The following POLN variants were observed in gnomAD, a reference collection of about 807,000 sequenced individuals.
The protein encoded by POLN is DNA polymerase nu.
In POLN, 108 loss-of-function variants were observed where a neutral mutation model predicts 113.5. That is an observed-to-expected ratio of 0.95 (90% CI 0.81 to 1.12). The LOEUF (loss-of-function observed/expected upper bound fraction) is 1.12, where lower values mean the gene tolerates loss of function less well. Ranked by LOEUF, POLN falls within the 50% of genes most tolerant of loss-of-function variation. POLN has a pLI of 0.00. For synonymous variants in POLN, 386 were observed against 391.5 expected (o/e 0.99, Z 0.17); for missense variants, 1,097 against 1,077.1 (o/e 1.02, Z -0.26).
chr4:2,143,512 G>A (rs898371274), intron 16 of POLN, among the ~76,000 whole-genome samples: 1 of 152,136 alleles, frequency 6.6e-6, no homozygotes, highest in Non-Finnish European at 1.5e-5. Flanking sequence ...GAGATAATGT[G>A]AGCAACTGTA....
intron 16 of POLN, among the ~76,000 whole-genome samples, chr4:2,142,476 T>G (rs1732026882): frequency 6.6e-6 from 1 of 152,192 alleles, no homozygotes; most frequent in Non-Finnish European, 1.5e-5. Context: ...ACGTTCCCTA[T>G]CCCTGTCCCA....
chr4:2,239,292 A>T (rs1201783147), intron 2 of POLN, among the ~76,000 whole-genome samples: 2 of 152,200 alleles, frequency 1.3e-5, no homozygotes, highest in East Asian at 3.8e-4. Context: ...TAGAGATCTT[A>T]TTATACTTCT....
chr4:2,081,713 C>G lies in POLN; in HGVS notation c.2228G>C (p.Arg743Thr). ...ATGAGCGTGAATCCTTGGCAGGGGT[C>G]TCCTTCTGCCCATGATGGACACCAC... The part of the protein sequence containing the change: ...GCVVSIMGRR[R>T]PLPRIHAHDQ... Residue 743 changes from arginine (R) to threonine (T), a missense_variant, in exon 22 of 26, where the codon AGA becomes ACA. By Grantham distance (71) the Arg-to-Thr change is moderately conservative. Coordinates refer to ENST00000511885, the MANE Select transcript of POLN (RefSeq NM_181808.4). The G allele has an allele frequency of 6.2e-7, 1 of 1,614,118 alleles. No homozygotes were observed. Among genetic ancestry groups the G allele is most frequent in the Non-Finnish European group, 8.5e-7 (1 of 1,179,998 alleles).
At position 2,236,652 on chromosome 4, in the gene POLN, A is replaced by T. The variant is rs546202498; in HGVS notation, c.-13+4868T>A. Reference sequence around the variant, plus strand: ...GGCGGGCAGATTGCCTGAGCTCAGGAGTTCGAGACCAGCCTGGGCAACATG... The same window carrying T: ...GGCGGGCAGATTGCCTGAGCTCAGGTGTTCGAGACCAGCCTGGGCAACATG... On this transcript the variant is annotated intron_variant, in intron 2 of 25. Coordinates refer to ENST00000511885, the MANE Select transcript of POLN (RefSeq NM_181808.4). Among the ~76,000 whole-genome samples, 14 of 152,134 alleles carry T rather than the reference A, an allele frequency of 9.2e-5. No individual in the cohort carries two copies. The East Asian group carries it at 2.7e-3, about 29-fold the overall frequency.
At chr4:2,151,377 A>G (rs1276881902) in intron 16 of POLN, among the ~76,000 whole-genome samples, 1 of 152,266 alleles carries the variant, frequency 6.6e-6, no homozygotes, top group Admixed American at 6.5e-5. Flanking sequence ...GTCAAATGGT[A>G]GAACCACTCT....
chr4:2,212,403 C>CT (rs1161776691), intron 4 of POLN, among the ~76,000 whole-genome samples: 1 of 152,186 alleles, frequency 6.6e-6, no homozygotes, highest in African/African-American at 2.4e-5. Context: ...GACACTGAGT[C>CT]TTGCTCTGTT....
At chr4:2,084,458 C>T (rs1300344098) in intron 21 of POLN, among the ~76,000 whole-genome samples, 1 of 152,216 alleles carries the variant, frequency 6.6e-6, no homozygotes, top group African/African-American at 2.4e-5. Context: ...TGTGGGTTTA[C>T]CATGTCCCCC....
chr4:2,158,069 A>G (rs566479991), intron 14 of POLN, among the ~76,000 whole-genome samples, 158 bp from the exon 15 acceptor site: 4 of 152,228 alleles, frequency 2.6e-5, no homozygotes, highest in Admixed American at 6.5e-5. Flanking sequence ...CTCTTGCCTC[A>G]GTCTCCTGAG....
intron 7 of POLN, among the ~76,000 whole-genome samples, chr4:2,192,001 T>C (rs573169600): frequency 6.6e-6 from 1 of 151,734 alleles, no homozygotes; most frequent in African/African-American, 2.4e-5. Flanking sequence ...TAGTCCCACC[T>C]ACTCGGGAGG....
intron 16 of POLN, among the ~76,000 whole-genome samples, chr4:2,142,128 A>T (rs904877046): frequency 6.6e-6 from 1 of 152,212 alleles, no homozygotes; most frequent in African/African-American, 2.4e-5. Flanking sequence ...GAGTCTTGAT[A>T]TTTAAAAGGA....
chr4:2,072,211 C>A lies in POLN; in HGVS notation c.2606G>T (p.Cys869Phe), dbSNP rs2108684736. 6.2e-7 allele frequency: 1 copy of A among 1,608,166 alleles called. No individual in the cohort carries two copies. Among genetic ancestry groups the A allele is most frequent in the Non-Finnish European group, 8.5e-7 (1 of 1,176,722 alleles). Residue 869 changes from cysteine to phenylalanine, a missense_variant, in exon 26 of 26, where the codon TGT becomes TTT. Physicochemically the swap from Cys to Phe is radical, Grantham distance 205. Coordinates refer to ENST00000511885, the MANE Select transcript of POLN (RefSeq NM_181808.4). ...GCTGTTGCTGGGAGACTCAGTGCGA[C>A]ATGGGCCTGGCGGAGGGCCCCAGGC... ...QEAWGPPPGP[C>F]RTESPSNSLA...
At chr4:2,090,470 C>T (rs1216179143) in intron 20 of POLN, 24 of 552,754 alleles carry the variant, frequency 4.3e-5, no homozygotes, top group East Asian at 3.2e-4. Context: ...ATAGGCTCAA[C>T]GGAAGGTTTG....
intron 13 of POLN, among the ~76,000 whole-genome samples, chr4:2,163,205 A>T (rs1732644935): frequency 6.6e-6 from 1 of 152,206 alleles, no homozygotes; most frequent in Admixed American, 6.5e-5. Context: ...ATAAAACATT[A>T]ACAGTGGGCG....
Position 2,127,105 on chromosome 4 carries a change from G to A in POLN, c.1982+1008C>T, listed in dbSNP as rs1282928320. On this transcript the variant is annotated intron_variant, in intron 19 of 25. Transcript: ENST00000511885. This position sits in a 1 kb window ranked among gnomAD's most constrained non-coding sequence, Gnocchi z 4.7. ...TGTGACATCGTGAGGGTGAACAGGTGGCAGGAGATGAGCTGGGACGGAGGG... is the reference window on the plus strand; with the variant it reads ...TGTGACATCGTGAGGGTGAACAGGTAGCAGGAGATGAGCTGGGACGGAGGG... Among the ~76,000 whole-genome samples, 1 of 151,708 alleles carries A rather than the reference G, an allele frequency of 6.6e-6. No homozygotes were observed. The highest frequency in any genetic ancestry group is 1.5e-5 in the Non-Finnish European group (1 of 67,920).
intron 25 of POLN, among the ~76,000 whole-genome samples, chr4:2,072,701 TGA>T (rs1730178849): frequency 6.6e-6 from 1 of 152,164 alleles, no homozygotes; most frequent in African/African-American, 2.4e-5. Flanking sequence ...CGGGGGTCCC[TGA>T]CCTTGAGTGG....
At chr4:2,087,089 G>T (rs1730568210) in intron 20 of POLN, among the ~76,000 whole-genome samples, 1 of 152,222 alleles carries the variant, frequency 6.6e-6, no homozygotes, top group African/African-American at 2.4e-5. Flanking sequence ...TTGTCAGCAA[G>T]AGTGGGAAGG....
chr4:2,149,573 A>G (rs1732237354), intron 16 of POLN, among the ~76,000 whole-genome samples: 1 of 152,128 alleles, frequency 6.6e-6, no homozygotes, highest in Non-Finnish European at 1.5e-5. Context: ...GCCCAGACTG[A>G]TCTTGAACTC....
intron 16 of POLN, among the ~76,000 whole-genome samples, chr4:2,145,283 C>T (rs1732108743): frequency 6.6e-6 from 1 of 151,854 alleles, no homozygotes; most frequent in Non-Finnish European, 1.5e-5. Flanking sequence ...CAGAGAGGTA[C>T]AAACCTTAAA....
chr4:2,158,080 T>C (rs1403054173), intron 14 of POLN, among the ~76,000 whole-genome samples, 169 bp from the exon 15 acceptor site: 3 of 152,138 alleles, frequency 2.0e-5, no homozygotes, highest in African/African-American at 7.2e-5. Context: ...GTCTCCTGAG[T>C]AGCTGGGATT....
Sources: allele counts gnomAD v4.1 joint callset (sites outside exome capture counted in the v4.1 genomes callset), GRCh38; gene constraint gnomAD v4.1.1; non-coding constraint Gnocchi (gnomAD v3.1); transcripts MANE v1.5; gene names NCBI Gene and HGNC (gene_info 2026-07-23, HGNC 2026-07-21).